Variants in SLC25A48 observed in about 807,000 individuals in gnomAD.
The protein encoded by SLC25A48 is CTC-321K16.1.
Under a neutral mutation model 32.2 loss-of-function variants are expected in SLC25A48, and 29 were observed. The ratio of observed to expected loss-of-function variants is 0.90; its 90% CI spans 0.67 to 1.23. The LOEUF is 1.23. Among genes scored for constraint, SLC25A48 ranks in the 50% most tolerant of loss-of-function variants. The pLI, the probability that SLC25A48 is intolerant of heterozygous loss-of-function variation, is 0.00. For missense variants in SLC25A48, 399 were observed against 422.7 expected, an observed-to-expected ratio of 0.94 and a Z score of 0.49; for synonymous variants, 164 against 172.3, an observed-to-expected ratio of 0.95 and a Z score of 0.38.
At chr5:135,857,112 T>C (rs1235277538) in intron 4 of SLC25A48, among the ~76,000 whole-genome samples, 1 of 152,122 alleles carries the variant, frequency 6.6e-6, no homozygotes, top group Admixed American at 6.5e-5. Context: ...CCAAGGGAGG[T>C]GTTTCCCAAT....
At chr5:135,861,313 GCACA>G (rs10561751) in intron 4 of SLC25A48, among the ~76,000 whole-genome samples, 16,475 of 145,692 alleles carry the variant, frequency 0.11, 2,082 homozygotes, top group African/African-American at 0.32. Flanking sequence ...AAATACACAC[GCACA>G]CACACACACA....
chr5:135,860,239 G>C (rs929246616), intron 4 of SLC25A48, among the ~76,000 whole-genome samples: 5 of 152,204 alleles, frequency 3.3e-5, no homozygotes, highest in Non-Finnish European at 5.9e-5. Context: ...AGTGAGAAGA[G>C]GTGTCTGGGG....
At chr5:135,811,311 TC>T (rs1757585826) in intron 3 of SLC25A48, among the ~76,000 whole-genome samples, 1 of 152,158 alleles carries the variant, frequency 6.6e-6, no homozygotes, top group African/African-American at 2.4e-5. Flanking sequence ...GTGAAATAAG[TC>T]AGGCCCAGAA....
chr5:135,841,939 C>G (rs1350931173), intron 1 of SLC25A48, among the ~76,000 whole-genome samples: 2 of 152,182 alleles, frequency 1.3e-5, no homozygotes, highest in East Asian at 3.9e-4. Flanking sequence ...TTGAAATAAT[C>G]AATGCACCCA....
At chr5:135,691,342 A>T (rs1252889282) in intron 3 of SLC25A48, among the ~76,000 whole-genome samples, 1 of 152,214 alleles carries the variant, frequency 6.6e-6, no homozygotes, top group Non-Finnish European at 1.5e-5. Flanking sequence ...CTGGGTGATA[A>T]AAAGCACGGG....
intron 3 of SLC25A48, among the ~76,000 whole-genome samples, chr5:135,668,854 A>T (rs986538687): frequency 3.9e-5 from 6 of 152,244 alleles, no homozygotes; most frequent in African/African-American, 1.2e-4. Context: ...GCAATTTAAC[A>T]CAATAGGTAT....
intron 1 of SLC25A48, among the ~76,000 whole-genome samples, chr5:135,597,936 G>A (rs938229354): frequency 6.6e-6 from 1 of 152,054 alleles, no homozygotes; most frequent in African/African-American, 2.4e-5. Context: ...CTCAGGAGAC[G>A]GAAGTTGCAG....
intron 3 of SLC25A48, among the ~76,000 whole-genome samples, chr5:135,697,940 C>T (rs1024436884): frequency 6.6e-6 from 1 of 152,222 alleles, no homozygotes. Context: ...CACGGCTTCC[C>T]ATTGCCTCTG....
At chr5:135,589,584 T>G (rs552079170) in intron 1 of SLC25A48, among the ~76,000 whole-genome samples, 4 of 152,370 alleles carry the variant, frequency 2.6e-5, no homozygotes, top group African/African-American at 9.6e-5. Context: ...CCATTTTCAG[T>G]GTATTTGGTG....
intron 1 of SLC25A48, among the ~76,000 whole-genome samples, chr5:135,835,562 T>A (rs1046007590): frequency 4.0e-5 from 6 of 151,808 alleles, no homozygotes; most frequent in Admixed American, 3.3e-4. Context: ...CTGGGATGGG[T>A]TGCCTGGGCG....
At chr5:135,704,475 G>T (rs1472365514) in intron 3 of SLC25A48, among the ~76,000 whole-genome samples, 1 of 152,174 alleles carries the variant, frequency 6.6e-6, no homozygotes, top group East Asian at 1.9e-4. Flanking sequence ...TGGTCTTTTG[G>T]CTAAACTCAG....
chr5:135,792,222 G>A (rs1318951472), intron 3 of SLC25A48, among the ~76,000 whole-genome samples: 2 of 151,704 alleles, frequency 1.3e-5, no homozygotes, highest in Non-Finnish European at 1.5e-5. Context: ...AATAACCTTT[G>A]GTGATTTTAA....
At chr5:135,592,049 C>G (rs1306370436) in intron 1 of SLC25A48, among the ~76,000 whole-genome samples, 3 of 152,150 alleles carry the variant, frequency 2.0e-5, no homozygotes, top group Non-Finnish European at 4.4e-5. Flanking sequence ...CAAAGAGAAC[C>G]AGCTCTGCTT....
intron 3 of SLC25A48, among the ~76,000 whole-genome samples, chr5:135,721,192 CTTT>C (rs757412641): frequency 4.8e-3 from 260 of 53,730 alleles, no homozygotes; most frequent in African/African-American, 8.9e-3. Flanking sequence ...CATGCCTGGC[CTTT>C]TTTTTTTTTT....
chr5:135,866,679 A>C (rs1178837151), intron 4 of SLC25A48, among the ~76,000 whole-genome samples: 1 of 152,222 alleles, frequency 6.6e-6, no homozygotes, highest in Admixed American at 6.5e-5. Flanking sequence ...GCAGTAAGGC[A>C]CTGGCACTTC....
At chr5:135,638,389 TA>T (rs2126914096) in intron 3 of SLC25A48, among the ~76,000 whole-genome samples, 2 of 104,234 alleles carry the variant, frequency 1.9e-5, no homozygotes, top group Non-Finnish European at 4.1e-5. Context: ...GGAATATTGT[TA>T]AAAATATTTG....
chr5:135,639,448 T>C (rs936109902), intron 3 of SLC25A48, among the ~76,000 whole-genome samples: 13 of 152,188 alleles, frequency 8.5e-5, no homozygotes, highest in Admixed American at 5.9e-4. Context: ...TAGGATATTG[T>C]AGATGACAAG....
At chr5:135,644,768 C>G (rs1487448308) in intron 3 of SLC25A48, among the ~76,000 whole-genome samples, 1 of 152,168 alleles carries the variant, frequency 6.6e-6, no homozygotes, top group Non-Finnish European at 1.5e-5. Flanking sequence ...GACCATTTTT[C>G]TGCTCATCCT....
intron 3 of SLC25A48, among the ~76,000 whole-genome samples, chr5:135,808,447 T>G (rs1437984970): frequency 6.6e-6 from 1 of 152,042 alleles, no homozygotes; most frequent in Non-Finnish European, 1.5e-5. Context: ...AAAAAAACTT[T>G]TTTTCCCTCA....
Sources: gnomAD v4.1 joint callset for allele counts (sites outside exome capture counted in the v4.1 genomes callset) on GRCh38, gnomAD v4.1.1 for gene constraint, MANE v1.5 for transcripts, NCBI Gene and HGNC (gene_info 2026-07-23, HGNC 2026-07-21) for gene names.